The following KLF8 variants were observed in gnomAD, a reference collection of about 807,000 sequenced individuals.
The protein encoded by KLF8 is Krueppel-like factor 8.
In KLF8, 10 loss-of-function variants were observed where a neutral mutation model predicts 18.2. That is an observed-to-expected ratio of 0.55 (90% CI 0.34 to 0.93). The LOEUF (loss-of-function observed/expected upper bound fraction) is 0.93, where lower values mean the gene tolerates loss of function less well. Among genes scored for constraint, KLF8 ranks in the 40% least tolerant of loss-of-function variants. The probability of loss-of-function intolerance (pLI) is 0.02; values close to 1 mark genes in which losing one functional copy is unlikely to be tolerated. For synonymous variants in KLF8, 109 were observed against 97.3 expected (o/e 1.12, Z -0.71); for missense variants, 264 against 277.9 (o/e 0.95, Z 0.36).
the KLF8 span, among the ~76,000 whole-genome samples, chrX:56,056,920 G>A: frequency 9.1e-6 from 1 of 109,769 alleles, no homozygotes; most frequent in Non-Finnish European, 1.9e-5. Flanking sequence ...GATGGGTGGT[G>A]TCAGCCAAAA....
the KLF8 span, among the ~76,000 whole-genome samples, chrX:56,033,102 A>G: frequency 9.0e-6 from 1 of 111,519 alleles, no homozygotes; most frequent in Non-Finnish European, 1.9e-5. Context: ...GAAAAGTGAC[A>G]TATCCATCTC....
At chrX:56,264,131 A>G (rs1230822337) in intron 2 of KLF8, among the ~76,000 whole-genome samples, 4 of 111,714 alleles carry the variant, frequency 3.6e-5, no homozygotes, top group African/African-American at 1.3e-4. Context: ...CAAGATCCAG[A>G]GTGTTGCTTG....
At chrX:56,101,356 G>A in the KLF8 span, among the ~76,000 whole-genome samples, 2 of 111,410 alleles carry the variant, frequency 1.8e-5, no homozygotes, top group Non-Finnish European at 3.8e-5. Flanking sequence ...ATATTTTCTT[G>A]ATCCAATCTA....
At chrX:56,049,064 G>A in the KLF8 span, among the ~76,000 whole-genome samples, 2 of 111,548 alleles carry the variant, frequency 1.8e-5, no homozygotes, top group Non-Finnish European at 3.8e-5. Context: ...TTGGCTCTCT[G>A]TTTGTCTGTT....
chrX:56,055,598 G>T, the KLF8 span, among the ~76,000 whole-genome samples: 225 of 111,643 alleles, frequency 2.0e-3, no homozygotes, highest in Non-Finnish European at 3.3e-3. Flanking sequence ...TTTTGAATTT[G>T]CGTTTTGGCC....
chrX:56,265,723 G>C lies in KLF8; in HGVS notation c.625G>C (p.Asp209His). The C allele has an allele frequency of 8.3e-7, 1 of 1,201,819 alleles. No homozygotes were observed. Among genetic ancestry groups the C allele is most frequent in the Non-Finnish European group, 1.1e-6 (1 of 892,980 alleles). Residue 209 changes from aspartate to histidine, a missense_variant, in exon 3 of 6, where the codon GAT becomes CAT. Transcript: ENST00000468660. ...AAITVPLIGG[D>H]GKNAGSVKVD... is the part of the protein sequence containing the mutation. ...CATTACAGTCCCACTCATTGGAGGAGATGGTAAAAATGCTGGATCAGGTAA... is the reference window on the plus strand; with the variant it reads ...CATTACAGTCCCACTCATTGGAGGACATGGTAAAAATGCTGGATCAGGTAA...
the KLF8 span, among the ~76,000 whole-genome samples, chrX:55,965,321 A>G: frequency 6.2e-5 from 7 of 112,395 alleles, no homozygotes; most frequent in South Asian, 2.6e-3. Context: ...AAGGCTTTCA[A>G]TGAAATTCAG....
At chrX:56,177,192 G>T in the KLF8 span, among the ~76,000 whole-genome samples, 1 of 111,492 alleles carries the variant, frequency 9.0e-6, no homozygotes, top group African/African-American at 3.3e-5. Context: ...TTTTTAGAGT[G>T]TCCAGTTTTT....
the KLF8 span, among the ~76,000 whole-genome samples, chrX:56,055,222 C>T: frequency 1.8e-5 from 2 of 112,080 alleles, no homozygotes; most frequent in Non-Finnish European, 3.8e-5. Context: ...AATGGGCTTA[C>T]TTTTCCATAT....
At chrX:56,193,909 AAG>A in the KLF8 span, among the ~76,000 whole-genome samples, 1 of 112,020 alleles carries the variant, frequency 8.9e-6, no homozygotes, top group Non-Finnish European at 1.9e-5. Flanking sequence ...TTGCTAGCAC[AAG>A]AGAGTGACTA....
chrX:56,274,947 G>T (rs913209655), intron 5 of KLF8, among the ~76,000 whole-genome samples: 9 of 111,954 alleles, frequency 8.0e-5, no homozygotes, highest in Non-Finnish European at 1.5e-4. Flanking sequence ...GATTCCTTCA[G>T]TTTTATTATT....
chrX:56,049,492 G>C, the KLF8 span, among the ~76,000 whole-genome samples: 313 of 109,237 alleles, frequency 2.9e-3, no homozygotes, highest in African/African-American at 9.9e-3. Context: ...GTTGAATTTT[G>C]TCAAAGGCTT....
the KLF8 span, among the ~76,000 whole-genome samples, chrX:56,189,509 G>C: frequency 7.0e-4 from 78 of 110,878 alleles, no homozygotes; most frequent in African/African-American, 2.4e-3. Context: ...ACCCAGCCAT[G>C]CCATTACTGG....
At chrX:56,180,956 G>T in the KLF8 span, among the ~76,000 whole-genome samples, 2 of 111,746 alleles carry the variant, frequency 1.8e-5, no homozygotes, top group East Asian at 5.6e-4. Flanking sequence ...GGGGTGGAGA[G>T]TTCTGTATGT....
At chrX:55,988,057 T>C in the KLF8 span, among the ~76,000 whole-genome samples, 1 of 112,176 alleles carries the variant, frequency 8.9e-6, no homozygotes, top group Non-Finnish European at 1.9e-5. Flanking sequence ...TCTTTGTTTT[T>C]TTCTTGTAAA....
chrX:56,154,129 T>C, the KLF8 span, among the ~76,000 whole-genome samples: 1 of 111,062 alleles, frequency 9.0e-6, no homozygotes, highest in African/African-American at 3.3e-5. Flanking sequence ...GCCAAGTCAA[T>C]CCTAAGCCAA....
the KLF8 span, among the ~76,000 whole-genome samples, chrX:55,973,841 C>G: frequency 9.0e-6 from 1 of 111,359 alleles, no homozygotes; most frequent in Admixed American, 9.6e-5. Flanking sequence ...GGATATACAC[C>G]CAAAAGAACA....
the KLF8 span, among the ~76,000 whole-genome samples, chrX:56,046,618 C>A: frequency 3.0e-5 from 3 of 101,027 alleles, no homozygotes; most frequent in East Asian, 3.2e-4. Flanking sequence ...AAAAAAAAAA[C>A]GGTACCTTTC....
At chrX:56,012,022 G>C in the KLF8 span, among the ~76,000 whole-genome samples, 3 of 111,537 alleles carry the variant, frequency 2.7e-5, no homozygotes, top group Non-Finnish European at 5.6e-5. Context: ...TCTACCAGAG[G>C]TACAAAGAGG....
Sources: allele counts gnomAD v4.1 joint callset (sites outside exome capture counted in the v4.1 genomes callset), GRCh38; gene constraint gnomAD v4.1.1; transcripts MANE v1.5; gene names NCBI Gene and HGNC (gene_info 2026-07-23, HGNC 2026-07-21).